INPP5F: variants seen among roughly 807,000 people sequenced by gnomAD.
INPP5F encodes inositol polyphosphate-5-phosphatase F.
INPP5F carries 97 observed loss-of-function variants against 137.2 expected under a neutral mutation model. The ratio of observed to expected loss-of-function variants is 0.71; its 90% CI spans 0.60 to 0.84. The LOEUF (loss-of-function observed/expected upper bound fraction) is 0.84. INPP5F is among the 40% of genes least tolerant of loss of function. The probability of loss-of-function intolerance (pLI) is 0.00; values close to 1 mark genes in which losing one functional copy is unlikely to be tolerated. For synonymous variants in INPP5F, 504 were observed against 476.9 expected, an observed-to-expected ratio of 1.06 and a Z score of -0.74; for missense variants, 1,271 against 1,371.9, an observed-to-expected ratio of 0.93 and a Z score of 1.16.
At chr10:119,757,460 TA>T (rs1393062383) in intron 2 of INPP5F, among the ~76,000 whole-genome samples, 1 of 151,698 alleles carries the variant, frequency 6.6e-6, no homozygotes, top group South Asian at 2.1e-4. Context: ...AAATCAACAT[TA>T]AAAAAATTCA....
intron 2 of INPP5F, among the ~76,000 whole-genome samples, chr10:119,767,117 A>AAAAAAAAC (rs1849192402): frequency 6.7e-6 from 1 of 149,350 alleles, no homozygotes. Flanking sequence ...GAAAAAAAAA[A>AAAAAAAAC]AAAAAAAAAA....
At chr10:119,817,586 G>T (rs528043908) in intron 15 of INPP5F, among the ~76,000 whole-genome samples, 12 of 152,044 alleles carry the variant, frequency 7.9e-5, no homozygotes, top group Non-Finnish European at 1.3e-4. Flanking sequence ...TTTCCCTGAT[G>T]ACAAACGATG....
rs138126588 is a variant in INPP5F, at chr10:119,826,801, C to T, written c.2420C>T (p.Thr807Ile). 3 of 1,613,498 alleles carry T rather than the reference C, an allele frequency of 1.9e-6. No individual in the cohort carries two copies. The African/African-American group carries it at 4.0e-5, about 22-fold the overall frequency. The part of the protein sequence containing the change: ...IGNLRKLGNF[T>I]KPEMKVNFLK... ...AACCTCCGAAAGCTAGGAAACTTTA[C>T]CAAACCTGAAATGAAAGTTAACTTT... The change falls in exon 20 of 20, where the codon ACC becomes ATC. Residue 807 changes from threonine (T) to isoleucine (I), a missense_variant. Transcript: ENST00000650623.
chr10:119,767,759 G>A (rs1486500867), intron 2 of INPP5F, among the ~76,000 whole-genome samples: 1 of 152,164 alleles, frequency 6.6e-6, no homozygotes, highest in Admixed American at 6.5e-5. Flanking sequence ...GTGTCACTGT[G>A]CTAATATCAA....
chr10:119,759,166 C>T (rs528321740), intron 2 of INPP5F, among the ~76,000 whole-genome samples: 12 of 152,154 alleles, frequency 7.9e-5, no homozygotes, highest in South Asian at 2.1e-4. Flanking sequence ...TATACAGGCA[C>T]GTACCACCGT....
chr10:119,773,456 A>C (rs147420726), intron 2 of INPP5F, among the ~76,000 whole-genome samples: 2 of 152,210 alleles, frequency 1.3e-5, no homozygotes, highest in South Asian at 4.1e-4. Context: ...CCGTCACTCA[A>C]ATAGTGAACA....
rs538835368 is a variant in INPP5F, at chr10:119,773,037, T to G, written c.179-8598T>G. ...TGCTGAGATTACAGGTGTGAGCCAC[T>G]GCGCCCAGCCTAATTTTTAAAAATT... On this transcript the variant is annotated intron_variant, in intron 2 of 19. Coordinates refer to ENST00000650623, the MANE Select transcript of INPP5F (RefSeq NM_014937.4). 2.1e-3 allele frequency among the ~76,000 whole-genome samples: 317 copies of G among 151,444 alleles called. 2 individuals are homozygous for G. The highest frequency in any genetic ancestry group is 3.9e-3 in the Non-Finnish European group (264 of 67,812).
intron 3 of INPP5F, among the ~76,000 whole-genome samples, chr10:119,788,886 A>G (rs1850023787): frequency 6.6e-6 from 1 of 152,170 alleles, no homozygotes; most frequent in Non-Finnish European, 1.5e-5. Context: ...CGGACCTTTG[A>G]TAGATTCCTG....
intron 1 of INPP5F, among the ~76,000 whole-genome samples, chr10:119,747,585 TTGG>T (rs1405531514): frequency 2.6e-5 from 4 of 152,244 alleles, no homozygotes; most frequent in African/African-American, 9.6e-5. Context: ...GAAATCTAAC[TTGG>T]TATGTAACCT....
intron 3 of INPP5F, among the ~76,000 whole-genome samples, chr10:119,790,962 G>A (rs528703214): frequency 6.6e-6 from 1 of 152,104 alleles, no homozygotes; most frequent in African/African-American, 2.4e-5. Flanking sequence ...ACTAATCTCC[G>A]GACCCAAAGT....
intron 10 of INPP5F, among the ~76,000 whole-genome samples, chr10:119,804,727 C>T (rs1203998280): frequency 6.9e-6 from 1 of 144,230 alleles, no homozygotes; most frequent in African/African-American, 2.5e-5. Flanking sequence ...ATCAGGGCAT[C>T]TTTTTTTTTT....
rs1178409068 is a variant in INPP5F at position 119,787,805 on chromosome 10, A to G, written c.316-3712A>G. ...TGGGAATTTGGCCCCTACACAGTAA[A>G]GAGGACTAACAGGGCTTCATGGGAG... is the stretch of plus-strand genomic sequence containing the variant. On this transcript the variant is annotated intron_variant, in intron 3 of 19. Coordinates refer to ENST00000650623, the MANE Select transcript of INPP5F (RefSeq NM_014937.4). This position sits in a 1 kb window ranked among gnomAD's most constrained non-coding sequence, Gnocchi z 4.1. 6.6e-6 allele frequency among the ~76,000 whole-genome samples: 1 copy of G among 152,172 alleles called. No individual in the cohort carries two copies.
rs762586446 is a variant in INPP5F at position 119,822,474 on chromosome 10, A to T, written c.2002A>T (p.Ser668Cys). 69 of 1,534,630 alleles carry T rather than the reference A, an allele frequency of 4.5e-5. No individual in the cohort carries two copies. Among genetic ancestry groups the T allele is most frequent in the Non-Finnish European group, 6.1e-5 (68 of 1,119,866 alleles). Residue 668 changes from serine to cysteine, a missense_variant, in exon 17 of 20, where the codon AGT becomes TGT. Physicochemically the swap from Ser to Cys is moderately radical, Grantham distance 112. Transcript: ENST00000650623. ...TAAAGTAAACCAGTATCAACGACTA[A>T]GTCTAGAAAACCTGGAAAAAATTGA... ...VDKVNQYQRL[S>C]LENLEKIEIG...
intron 2 of INPP5F, among the ~76,000 whole-genome samples, chr10:119,766,382 G>A (rs564495202): frequency 2.6e-5 from 4 of 152,178 alleles, no homozygotes; most frequent in Non-Finnish European, 5.9e-5. Context: ...GGTCATTTAC[G>A]GATATTTCAT....
At chr10:119,764,814 C>T (rs1433372528) in intron 2 of INPP5F, among the ~76,000 whole-genome samples, 1 of 152,058 alleles carries the variant, frequency 6.6e-6, no homozygotes, top group African/African-American at 2.4e-5. Context: ...CTGACCTCAG[C>T]TGATCCGCCT....
At chr10:119,802,010 C>T (rs567175571) in intron 9 of INPP5F, among the ~76,000 whole-genome samples, 1 of 152,266 alleles carries the variant, frequency 6.6e-6, no homozygotes, top group South Asian at 2.1e-4. Context: ...GGGCGTTGGG[C>T]CCACAGTCGG....
chr10:119,741,906 C>T lies in INPP5F; in HGVS notation c.98-9170C>T, dbSNP rs1030298948. Among the ~76,000 whole-genome samples, 20 of 151,018 alleles carry T rather than the reference C, an allele frequency of 1.3e-4. No individual in the cohort carries two copies. The East Asian group carries it at 2.3e-3, about 18-fold the overall frequency. On this transcript the variant is annotated intron_variant, in intron 1 of 19. Transcript: ENST00000650623. ...TCAGATCTCAGCTCACTGCAACCTC[C>T]GCCTCCCAGGTTCAAGTGATTCTCC...
At chr10:119,727,925 A>G (rs1187144824) in intron 1 of INPP5F, among the ~76,000 whole-genome samples, 3 of 152,102 alleles carry the variant, frequency 2.0e-5, no homozygotes, top group African/African-American at 7.2e-5. Flanking sequence ...AAAAGAGTCA[A>G]CTCCTTGGAT....
chr10:119,820,059 T>C (rs537101823), intron 15 of INPP5F, among the ~76,000 whole-genome samples: 1 of 152,226 alleles, frequency 6.6e-6, no homozygotes, highest in Non-Finnish European at 1.5e-5. Context: ...AAGGCTATTA[T>C]TGTTAGATTA....
Sources: gnomAD v4.1 joint callset for allele counts (sites outside exome capture counted in the v4.1 genomes callset) on GRCh38, gnomAD v4.1.1 for gene constraint, Gnocchi (gnomAD v3.1) non-coding constraint, MANE v1.5 for transcripts, NCBI Gene and HGNC (gene_info 2026-07-23, HGNC 2026-07-21) for gene names.